Variants in B3GALT1 observed in about 807,000 individuals in gnomAD.
The protein encoded by B3GALT1 is UDP-Gal:betaGlcNAc beta 1,3-galactosyltransferase, polypeptide 1.
Under a neutral mutation model 23.2 loss-of-function variants are expected in B3GALT1, and 10 were observed. The observed-to-expected ratio is 0.43, with a 90% CI of 0.27 to 0.73. The LOEUF (loss-of-function observed/expected upper bound fraction) is 0.73, where lower values mean the gene tolerates loss of function less well. Ranked by LOEUF, B3GALT1 falls within the 30% of genes least tolerant of loss-of-function variation. B3GALT1 has a pLI of 0.21. For synonymous variants in B3GALT1, 156 were observed against 141.5 expected (o/e 1.10, Z -0.73); for missense variants, 299 against 405.4 (o/e 0.74, Z 2.25).
chr2:167,653,614 G>A (rs1685902957), intron 3 of B3GALT1, among the ~76,000 whole-genome samples: 1 of 152,170 alleles, frequency 6.6e-6, no homozygotes, highest in South Asian at 2.1e-4. Context: ...CCTGTGCACT[G>A]CATTCCTTCA....
In B3GALT1 at chr2:167,435,433, C is replaced by CAA. The variant is rs1159357073; in HGVS notation, c.-510-54716_-510-54715dup. Among the ~76,000 whole-genome samples, 85 of 26,212 alleles carry CAA rather than the reference C, an allele frequency of 3.2e-3. 12 individuals carry two copies. The highest frequency in any genetic ancestry group is 5.2e-3 in the Non-Finnish European group (60 of 11,466). 17.2% of individuals were successfully genotyped at this position (26,212 alleles called of 152,430 possible). A position where few individuals can be genotyped will look rare whatever the true frequency, so the allele number is the denominator to read the frequency against. ...AGCGTGCTTTAGAAACATATGCTTG[C>CAA]AAAAAAAAAAAAAAAAAAAAAAAAA... On this transcript the variant is annotated intron_variant, in intron 1 of 4. Transcript: ENST00000392690.
chr2:167,699,846 G>A (rs574206880), intron 3 of B3GALT1, among the ~76,000 whole-genome samples: 2 of 152,052 alleles, frequency 1.3e-5, no homozygotes, highest in Non-Finnish European at 2.9e-5. Context: ...CTGAGTAGTT[G>A]GGATTAGAGG....
At chr2:167,701,571 A>C (rs1206704575) in intron 3 of B3GALT1, among the ~76,000 whole-genome samples, 1 of 152,060 alleles carries the variant, frequency 6.6e-6, no homozygotes, top group Non-Finnish European at 1.5e-5. Flanking sequence ...CTTGCACCTG[A>C]TTTTTTTCCC....
chr2:167,588,347 A>T (rs1684614984), intron 2 of B3GALT1, among the ~76,000 whole-genome samples: 1 of 152,238 alleles, frequency 6.6e-6, no homozygotes, highest in African/African-American at 2.4e-5. Flanking sequence ...AAAAGGAAAA[A>T]TAAGGTACTA....
intron 2 of B3GALT1, among the ~76,000 whole-genome samples, chr2:167,562,966 G>A (rs1168051519): frequency 2.6e-5 from 4 of 152,132 alleles, no homozygotes; most frequent in Non-Finnish European, 5.9e-5. Context: ...AGGGTTGGGG[G>A]CAAGGTCACC....
intron 3 of B3GALT1, chr2:167,715,262 G>A (rs1192311903): frequency 5.6e-6 from 9 of 1,613,948 alleles, no homozygotes; most frequent in Non-Finnish European, 7.6e-6. Flanking sequence ...CAAGTGTCCA[G>A]TCAGGGTCTT....
At chr2:167,330,969 A>T (rs528854482) in intron 1 of B3GALT1, among the ~76,000 whole-genome samples, 1 of 151,100 alleles carries the variant, frequency 6.6e-6, no homozygotes, top group Admixed American at 6.6e-5. Flanking sequence ...TTTTTTCCCA[A>T]ATTTTAAAAT....
chr2:167,854,040 C>G (rs1689954504), intron 4 of B3GALT1, among the ~76,000 whole-genome samples: 1 of 152,140 alleles, frequency 6.6e-6, no homozygotes, highest in South Asian at 2.1e-4. Context: ...TGCTAAGTAG[C>G]ATTTTCCAGG....
At chr2:167,456,914 G>A (rs1699181340) in intron 1 of B3GALT1, among the ~76,000 whole-genome samples, 1 of 151,996 alleles carries the variant, frequency 6.6e-6, no homozygotes, top group African/African-American at 2.4e-5. Flanking sequence ...TTAAATCATT[G>A]GTAATTAACT....
At chr2:167,594,729 G>C (rs576962122) in intron 2 of B3GALT1, among the ~76,000 whole-genome samples, 1 of 152,042 alleles carries the variant, frequency 6.6e-6, no homozygotes. Flanking sequence ...CCTGGCCAAC[G>C]TGGTGAAACC....
At chr2:167,750,161 T>C (rs1341177131) in intron 3 of B3GALT1, among the ~76,000 whole-genome samples, 1 of 152,222 alleles carries the variant, frequency 6.6e-6, no homozygotes, top group Non-Finnish European at 1.5e-5. Context: ...CAAATAAGGC[T>C]AAGAAAAGTT....
chr2:167,656,147 A>G (rs997329993), intron 3 of B3GALT1, among the ~76,000 whole-genome samples: 1 of 152,138 alleles, frequency 6.6e-6, no homozygotes, highest in Non-Finnish European at 1.5e-5. Flanking sequence ...GGGCTTTCTA[A>G]GACAGTAGAG....
At chr2:167,514,129 G>A (rs1295569368) in intron 2 of B3GALT1, among the ~76,000 whole-genome samples, 2 of 151,992 alleles carry the variant, frequency 1.3e-5, no homozygotes, top group East Asian at 1.9e-4. Context: ...GGATGGTCTC[G>A]ATCTCCTGAC....
chr2:167,552,833 A>C (rs891252566), intron 2 of B3GALT1, among the ~76,000 whole-genome samples: 1 of 152,186 alleles, frequency 6.6e-6, no homozygotes, highest in Admixed American at 6.5e-5. Context: ...CTTGGTTTCC[A>C]AACAAGATAT....
At chr2:167,303,118 T>A (rs1478017791) in intron 1 of B3GALT1, among the ~76,000 whole-genome samples, 2 of 152,184 alleles carry the variant, frequency 1.3e-5, no homozygotes, top group African/African-American at 2.4e-5. Flanking sequence ...AATTGGTTGA[T>A]CATTGGTTGC....
At chr2:167,854,138 C>A (rs1171591370) in intron 4 of B3GALT1, among the ~76,000 whole-genome samples, 1 of 152,090 alleles carries the variant, frequency 6.6e-6, no homozygotes, top group Non-Finnish European at 1.5e-5. Context: ...TTAATAATAG[C>A]CAAAATTAAA....
chr2:167,682,438 G>T (rs748090500), intron 3 of B3GALT1, among the ~76,000 whole-genome samples: 1 of 152,048 alleles, frequency 6.6e-6, no homozygotes, highest in African/African-American at 2.4e-5. Context: ...AAAATGCTCT[G>T]CCCTCTTCTG....
intron 3 of B3GALT1, among the ~76,000 whole-genome samples, chr2:167,772,088 A>G (rs940457911): frequency 2.1e-4 from 32 of 151,494 alleles, no homozygotes; most frequent in Non-Finnish European, 1.2e-4. Flanking sequence ...GGGGGAATCC[A>G]AAAGGCTGCC....
intron 1 of B3GALT1, among the ~76,000 whole-genome samples, chr2:167,465,424 A>G (rs1044727082): frequency 1.3e-5 from 2 of 152,204 alleles, no homozygotes; most frequent in Admixed American, 1.3e-4. Flanking sequence ...CGGAAATGCT[A>G]GATCAAGTCT....
Sources: gnomAD v4.1 joint callset for allele counts (sites outside exome capture counted in the v4.1 genomes callset) on GRCh38, gnomAD v4.1.1 for gene constraint, MANE v1.5 for transcripts, NCBI Gene and HGNC (gene_info 2026-07-23, HGNC 2026-07-21) for gene names.